The following CADM1 variants were observed in gnomAD, a reference collection of about 807,000 sequenced individuals.
CADM1 encodes the protein TSLC-1.
CADM1 carries 15 observed loss-of-function variants against 53.1 expected under a neutral mutation model. The observed-to-expected ratio is 0.28, with a 90% CI of 0.19 to 0.44. CADM1 has a LOEUF of 0.44. Ranked by LOEUF, CADM1 falls within the 20% of genes least tolerant of loss-of-function variation. The probability of loss-of-function intolerance (pLI) is 1.00; values close to 1 mark genes in which losing one functional copy is unlikely to be tolerated. For synonymous variants in CADM1, 281 were observed against 243.0 expected, an observed-to-expected ratio of 1.16 and a Z score of -1.45; for missense variants, 434 against 611.3, an observed-to-expected ratio of 0.71 and a Z score of 3.06.
intron 1 of CADM1, among the ~76,000 whole-genome samples, chr11:115,335,365 G>C (rs1945241628): frequency 6.6e-6 from 1 of 152,060 alleles, no homozygotes; most frequent in South Asian, 2.1e-4. Context: ...GCTTAATAGA[G>C]AACAATTGGC....
chr11:115,199,400 G>C (rs1201509598), intron 8 of CADM1, among the ~76,000 whole-genome samples: 1 of 152,132 alleles, frequency 6.6e-6, no homozygotes, highest in Non-Finnish European at 1.5e-5. Context: ...TGCTGTGGAA[G>C]GAAATGTATT....
At chr11:115,233,354 G>C (rs144851599) in intron 3 of CADM1, among the ~76,000 whole-genome samples, 2 of 152,250 alleles carry the variant, frequency 1.3e-5, no homozygotes, top group African/African-American at 2.4e-5. Flanking sequence ...TTTCACATCT[G>C]CTAGCATTTT....
At chr11:115,490,526 G>A (rs1179807406) in intron 1 of CADM1, among the ~76,000 whole-genome samples, 1 of 151,218 alleles carries the variant, frequency 6.6e-6, no homozygotes, top group African/African-American at 2.4e-5. Flanking sequence ...AGCCACCCGA[G>A]TAGCTGGGAC....
intron 1 of CADM1, among the ~76,000 whole-genome samples, chr11:115,470,211 T>C (rs531346666): frequency 1.3e-5 from 2 of 152,362 alleles, no homozygotes; most frequent in African/African-American, 2.4e-5. Context: ...TTTCATAATG[T>C]CATCTTCTCT....
At chr11:115,425,958 C>T (rs1400380118) in intron 1 of CADM1, among the ~76,000 whole-genome samples, 3 of 152,126 alleles carry the variant, frequency 2.0e-5, no homozygotes, top group Non-Finnish European at 4.4e-5. Flanking sequence ...TAGGCCAAAG[C>T]GGGAACCCCA....
At chr11:115,211,575 G>T (rs1243270110) in intron 7 of CADM1, among the ~76,000 whole-genome samples, 1 of 150,350 alleles carries the variant, frequency 6.7e-6, no homozygotes, top group African/African-American at 2.4e-5. Context: ...CGCTTCCCGG[G>T]TTCAAGCAAT....
intron 1 of CADM1, among the ~76,000 whole-genome samples, chr11:115,469,449 G>C (rs1263662664): frequency 6.6e-6 from 1 of 152,218 alleles, no homozygotes; most frequent in Non-Finnish European, 1.5e-5. Context: ...TAGAAAGGAA[G>C]TGGCAGAATC....
At chr11:115,354,485 G>T (rs1172405632) in intron 1 of CADM1, among the ~76,000 whole-genome samples, 1 of 152,154 alleles carries the variant, frequency 6.6e-6, no homozygotes, top group African/African-American at 2.4e-5. Flanking sequence ...GGAGGGTCAA[G>T]AAATGGTAGG....
At chr11:115,207,702 AAAT>A (rs1940762699) in intron 8 of CADM1, among the ~76,000 whole-genome samples, 1 of 152,228 alleles carries the variant, frequency 6.6e-6, no homozygotes. Context: ...GACTGCCTTA[AAAT>A]GTAAACCTGG....
chr11:115,499,337 C>T (rs1210100873), intron 1 of CADM1, among the ~76,000 whole-genome samples: 1 of 152,212 alleles, frequency 6.6e-6, no homozygotes, highest in Non-Finnish European at 1.5e-5. Flanking sequence ...ATTCCAATGA[C>T]ACAAATCCAG....
intron 1 of CADM1, among the ~76,000 whole-genome samples, chr11:115,381,619 T>A (rs751506696): frequency 6.6e-6 from 1 of 152,182 alleles, no homozygotes; most frequent in Non-Finnish European, 1.5e-5. Context: ...AATGGAGACA[T>A]CTTTCTCATT....
At chr11:115,212,837 T>C (rs1335083872) in intron 7 of CADM1, among the ~76,000 whole-genome samples, 3 of 152,216 alleles carry the variant, frequency 2.0e-5, no homozygotes, top group African/African-American at 7.2e-5. Context: ...CTGGTGTTAT[T>C]GTGGAGATTA....
intron 1 of CADM1, chr11:115,396,864 A>C (rs1409624057): frequency 6.6e-6 from 1 of 150,516 alleles, no homozygotes; most frequent in Admixed American, 6.6e-5. Context: ...TTTTTTTTTG[A>C]AGTTTGCCCC....
Position 115,178,709 on chromosome 11 carries a change from G to T in CADM1, c.1232C>A (p.Ala411Glu), listed in dbSNP as rs1253464962. 1 of 1,613,552 alleles carries T rather than the reference G, an allele frequency of 6.2e-7. No homozygotes were observed. The highest frequency in any genetic ancestry group is 8.5e-7 in the Non-Finnish European group (1 of 1,179,898). Residue 411 changes from alanine to glutamate, a missense_variant, in exon 11 of 12, where the codon GCG becomes GAG. Ala to Glu is a moderately radical substitution (Grantham distance 107). Around this residue, in one of 4 missense-constraint regions of CADM1, gnomAD observed 311 missense variants for 435.1 expected, o/e 0.71. Coordinates refer to ENST00000331581, the MANE Select transcript of CADM1 (RefSeq NM_001301043.2). ...GCACAGCATGGCGAACACCACCACC[G>T]CCACGACGCCACCGATCACGGCATG... is the stretch of plus-strand genomic sequence containing the variant. The part of the protein sequence containing the change: ...VDHAVIGGVV[A>E]VVVFAMLCLL...
At chr11:115,289,887 G>T (rs530543076) in intron 1 of CADM1, among the ~76,000 whole-genome samples, 1 of 152,188 alleles carries the variant, frequency 6.6e-6, no homozygotes, top group African/African-American at 2.4e-5. Flanking sequence ...GAACCACCGC[G>T]CCCGGCCCTG....
At position 115,240,423 on chromosome 11, in the gene CADM1, T is replaced by TA. The variant is rs748550061; in HGVS notation, c.125-4dup. ...CGTAAACAGATTCTGCCCATCACCT[T>TA]AAAAAAAGGGAAGAAAAGGTCAGAG... On this transcript the variant is annotated splice_region_variant and splice_polypyrimidine_tract_variant and intron_variant, in intron 1 of 11. Coordinates refer to ENST00000331581, the MANE Select transcript of CADM1 (RefSeq NM_001301043.2). The TA allele has an allele frequency of 6.8e-6, 11 of 1,613,246 alleles. No individual in the cohort carries two copies. The East Asian group carries it at 8.9e-5, about 13-fold the overall frequency.
chr11:115,222,069 C>T (rs2134801504), intron 5 of CADM1, among the ~76,000 whole-genome samples: 1 of 152,252 alleles, frequency 6.6e-6, no homozygotes, highest in South Asian at 2.1e-4. Flanking sequence ...TATTCTGAAA[C>T]ACCAAGGAGT....
At chr11:115,334,524 C>G (rs759674060) in intron 1 of CADM1, among the ~76,000 whole-genome samples, 2 of 151,986 alleles carry the variant, frequency 1.3e-5, no homozygotes, top group African/African-American at 4.8e-5. Flanking sequence ...ACTTTTATTA[C>G]AGCATATTGA....
rs1565276341 is a variant in CADM1 at position 115,174,555 on chromosome 11, C to T, written c.*1919G>A. 1.0e-6 allele frequency: 1 copy of T among 985,032 alleles called. No homozygotes were observed. The highest frequency in any genetic ancestry group is 1.8e-5 in the African/African-American group (1 of 57,068). 61.0% of individuals were successfully genotyped at this position (985,032 alleles called of 1,614,324 possible). A position where few individuals can be genotyped will look rare whatever the true frequency, so the allele number is the denominator to read the frequency against. On this transcript the variant is annotated 3_prime_UTR_variant, in exon 12 of 12. Transcript: ENST00000331581. ...ACATACCAGTCCGTTCCCAAAAGGC[C>T]CCCATATTGCAATGGTTCTATCAAA...
Sources: gnomAD v4.1 joint callset for allele counts (sites outside exome capture counted in the v4.1 genomes callset) on GRCh38, gnomAD v4.1.1 for gene constraint, gnomAD v4.1.1 regional missense constraint, MANE v1.5 for transcripts, NCBI Gene and HGNC (gene_info 2026-07-23, HGNC 2026-07-21) for gene names.